Variants in COMMD10 observed in about 807,000 individuals in gnomAD.
COMMD10 encodes the protein COMM domain containing 10.
A neutral mutation model predicts 28.9 loss-of-function variants in COMMD10; 33 were observed. The ratio of observed to expected loss-of-function variants is 1.14; its 90% CI spans 0.87 to 1.53. The LOEUF is 1.53. Among genes scored for constraint, COMMD10 ranks in the 40% most tolerant of loss-of-function variants. The pLI, the probability that COMMD10 is intolerant of heterozygous loss-of-function variation, is 0.00. For missense variants in COMMD10, 310 were observed against 233.4 expected (o/e 1.33, Z -2.14); for synonymous variants, 110 against 81.7 (o/e 1.35, Z -1.87).
intron 5 of COMMD10, among the ~76,000 whole-genome samples, chr5:116,138,496 A>C (rs1483920162): frequency 6.6e-6 from 1 of 151,732 alleles, no homozygotes; most frequent in Non-Finnish European, 1.5e-5. Flanking sequence ...AAATACTTAA[A>C]TTTTGCTATT....
rs143857776 is a variant in COMMD10, at chr5:116,249,354, G to A, written c.511-42163G>A. On this transcript the variant is annotated intron_variant, in intron 5 of 6. Transcript: ENST00000274458. ...GGATAAATCAAATGGCCTGGCCATG[G>A]CAAACCACAAAATCCAGTTTCGTAG... Among the ~76,000 whole-genome samples the A allele has an allele frequency of 2.6e-3, 391 of 151,958 alleles. 1 individual carries two copies. The highest frequency in any genetic ancestry group is 4.4e-3 in the Non-Finnish European group (301 of 67,892).
chr5:116,149,115 T>G (rs1273620635), intron 5 of COMMD10, among the ~76,000 whole-genome samples: 1 of 149,904 alleles, frequency 6.7e-6, no homozygotes, highest in Non-Finnish European at 1.5e-5. Flanking sequence ...GTTTGGTTTT[T>G]TGTTCTTGCG....
At chr5:116,240,140 AAGAC>A (rs966785479) in intron 5 of COMMD10, among the ~76,000 whole-genome samples, 5 of 152,190 alleles carry the variant, frequency 3.3e-5, no homozygotes, top group Non-Finnish European at 5.9e-5. Flanking sequence ...CAACAAAGGA[AAGAC>A]AGAAGAAAAG....
intron 4 of COMMD10, among the ~76,000 whole-genome samples, chr5:116,098,498 A>T (rs1316270440): frequency 2.0e-5 from 3 of 152,220 alleles, no homozygotes; most frequent in African/African-American, 7.2e-5. Flanking sequence ...GTGAAACTTG[A>T]ATTTGCCATG....
chr5:116,279,967 A>G (rs1751029442), intron 5 of COMMD10, among the ~76,000 whole-genome samples: 1 of 151,900 alleles, frequency 6.6e-6, no homozygotes, highest in South Asian at 2.1e-4. Flanking sequence ...TGATTAGGAC[A>G]TAGGTTCTAT....
chr5:116,168,876 G>C (rs548039868), intron 5 of COMMD10, among the ~76,000 whole-genome samples: 1 of 152,178 alleles, frequency 6.6e-6, no homozygotes, highest in African/African-American at 2.4e-5. Flanking sequence ...AGGAGAAAGC[G>C]GGAAAGATCT....
At chr5:116,192,930 TATAAAG>T (rs1748407368) in intron 5 of COMMD10, among the ~76,000 whole-genome samples, 1 of 152,086 alleles carries the variant, frequency 6.6e-6, no homozygotes, top group African/African-American at 2.4e-5. Context: ...GTAACTAACT[TATAAAG>T]GAAAGCCTAT....
At chr5:116,129,698 A>G (rs192965324) in intron 4 of COMMD10, among the ~76,000 whole-genome samples, 3,066 of 37,106 alleles carry the variant, frequency 0.083, 1,233 homozygotes, top group East Asian at 0.16. Context: ...TATACTATGT[A>G]ATATACATTA....
chr5:116,173,162 G>T (rs1753394204), intron 5 of COMMD10, among the ~76,000 whole-genome samples: 1 of 151,960 alleles, frequency 6.6e-6, no homozygotes, highest in Non-Finnish European at 1.5e-5. Context: ...GCTGCCTGTT[G>T]TTTCATATTT....
At chr5:116,141,199 A>G (rs534427761) in intron 5 of COMMD10, among the ~76,000 whole-genome samples, 6 of 149,516 alleles carry the variant, frequency 4.0e-5, no homozygotes, top group Admixed American at 3.3e-4. Context: ...TCGTTATTGC[A>G]TCTTCTCGGT....
At chr5:116,138,622 A>T (rs1752104679) in intron 5 of COMMD10, among the ~76,000 whole-genome samples, 1 of 150,242 alleles carries the variant, frequency 6.7e-6, no homozygotes, top group Non-Finnish European at 1.5e-5. Context: ...CTTGTGTTTC[A>T]TTTTTTTTTC....
intron 5 of COMMD10, among the ~76,000 whole-genome samples, chr5:116,250,958 C>G (rs572772684): frequency 6.6e-6 from 1 of 151,998 alleles, no homozygotes; most frequent in South Asian, 2.1e-4. Context: ...ACTAAGCCTA[C>G]ATTATTCTGG....
chr5:116,157,169 A>C (rs915665316), intron 5 of COMMD10, among the ~76,000 whole-genome samples: 1 of 152,146 alleles, frequency 6.6e-6, no homozygotes, highest in Admixed American at 6.6e-5. Flanking sequence ...TAGATTGCTC[A>C]CTGTTTTTCA....
intron 4 of COMMD10, among the ~76,000 whole-genome samples, chr5:116,109,131 G>T (rs1750953672): frequency 6.6e-6 from 1 of 152,170 alleles, no homozygotes; most frequent in African/African-American, 2.4e-5. Context: ...GACCGGAGCT[G>T]TTTCTTTTTG....
At chr5:116,187,525 G>T (rs1281511040) in intron 5 of COMMD10, among the ~76,000 whole-genome samples, 1 of 151,932 alleles carries the variant, frequency 6.6e-6, no homozygotes, top group Non-Finnish European at 1.5e-5. Flanking sequence ...ATCTATATAT[G>T]GCTGTAACAA....
intron 5 of COMMD10, among the ~76,000 whole-genome samples, chr5:116,190,524 A>G (rs1242588748): frequency 6.6e-6 from 1 of 152,226 alleles, no homozygotes; most frequent in African/African-American, 2.4e-5. Flanking sequence ...TTTCAGTTCC[A>G]TAACCCATTA....
chr5:116,177,617 C>T (rs1437789398), intron 5 of COMMD10, among the ~76,000 whole-genome samples: 1 of 151,694 alleles, frequency 6.6e-6, no homozygotes, highest in African/African-American at 2.4e-5. Context: ...TTCCCATAGT[C>T]ATCCTAGGAA....
chr5:116,262,133 G>A (rs1750464444), intron 5 of COMMD10, among the ~76,000 whole-genome samples: 3 of 151,498 alleles, frequency 2.0e-5, no homozygotes, highest in Admixed American at 2.0e-4. Context: ...TAAAGAGCTG[G>A]TACTTTTCCT....
chr5:116,192,488 A>G (rs909821876), intron 5 of COMMD10, among the ~76,000 whole-genome samples: 1 of 152,160 alleles, frequency 6.6e-6, no homozygotes, highest in African/African-American at 2.4e-5. Context: ...TAAAAAATTC[A>G]GGAAACTTTG....
Sources: gnomAD v4.1 joint callset for allele counts (sites outside exome capture counted in the v4.1 genomes callset) on GRCh38, gnomAD v4.1.1 for gene constraint, MANE v1.5 for transcripts, NCBI Gene and HGNC (gene_info 2026-07-23, HGNC 2026-07-21) for gene names.